The following LIFR variants were observed in gnomAD, a reference collection of about 807,000 sequenced individuals.
LIFR encodes LIF receptor subunit alpha, also known as leukemia inhibitory factor receptor.
A neutral mutation model predicts 122.2 loss-of-function variants in LIFR; 84 were observed. That is an observed-to-expected ratio of 0.69 (90% CI 0.58 to 0.82). LIFR has a LOEUF of 0.82. Among genes scored for constraint, LIFR ranks in the 40% least tolerant of loss-of-function variants. The probability of loss-of-function intolerance (pLI) is 0.00; values close to 1 mark genes in which losing one functional copy is unlikely to be tolerated. For missense variants in LIFR, 1,294 were observed against 1,311.6 expected, an observed-to-expected ratio of 0.99 and a Z score of 0.21; for synonymous variants, 422 against 434.7, an observed-to-expected ratio of 0.97 and a Z score of 0.36.
rs1746734969 is a variant in LIFR, at chr5:38,527,207, T to C, written c.345A>G (p.Leu115=). The C allele has an allele frequency of 2.5e-6, 4 of 1,586,762 alleles. No homozygotes were observed. The African/African-American group carries it at 5.4e-5, about 21-fold the overall frequency. ...HGDYEITINS[L]HDFGSSTSKF... Reference sequence around the variant, plus strand: ...TACTTGTAGAACTTCCAAAATCATGTAGAGAATTTATTGTTATTTCATAAT... The same window carrying C: ...TACTTGTAGAACTTCCAAAATCATGCAGAGAATTTATTGTTATTTCATAAT... The change falls in exon 4 of 20, where the codon CTA becomes CTG. Residue 115 remains leucine, a synonymous_variant. Coordinates refer to ENST00000453190, the MANE Select transcript of LIFR (RefSeq NM_001127671.2).
Position 38,481,485 on chromosome 5 carries a change from C to T in LIFR, c.*110G>A. 1 of 1,190,270 alleles carries T rather than the reference C, an allele frequency of 8.4e-7. No individual in the cohort carries two copies. The highest frequency in any genetic ancestry group is 1.2e-5 in the South Asian group (1 of 81,390). 73.7% of individuals were successfully genotyped at this position (1,190,270 alleles called of 1,614,324 possible). ...GTAACTTAACATGTAGTGAAGTTCA[C>T]CTCCTAACAATACTTCACAGGATCC... On this transcript the variant is annotated 3_prime_UTR_variant, in exon 20 of 20. Coordinates refer to ENST00000453190, the MANE Select transcript of LIFR (RefSeq NM_001127671.2).
intron 10 of LIFR, among the ~76,000 whole-genome samples, chr5:38,503,136 G>GGT (rs1320875664): frequency 6.6e-6 from 1 of 152,082 alleles, no homozygotes; most frequent in Non-Finnish European, 1.5e-5. Context: ...AAGGGCTAAT[G>GGT]GTGATGCAAT....
Position 38,496,468 on chromosome 5 carries a change from T to C in LIFR, c.1799A>G (p.Lys600Arg). The C allele has an allele frequency of 6.2e-7, 1 of 1,614,156 alleles. No homozygotes were observed. Among genetic ancestry groups the C allele is most frequent in the Non-Finnish European group, 8.5e-7 (1 of 1,179,944 alleles). The part of the protein sequence containing the change: ...PQHKAEIRLD[K>R]NDYIISVVAK... ...CACTACGCTGATGATGTAGTCATTC[T>C]TATCAAGTCGTATCTCTGCTTTGTG... Residue 600 changes from lysine to arginine, a missense_variant, in exon 13 of 20, where the codon AAG (lysine) becomes AGG (arginine). Physicochemically the swap from Lys to Arg is conservative, Grantham distance 26 (BLOSUM62 2). Transcript: ENST00000453190.
intron 1 of LIFR, among the ~76,000 whole-genome samples, chr5:38,585,846 T>G (rs1223611398): frequency 6.6e-6 from 1 of 152,156 alleles, no homozygotes. Context: ...GTTCCCTTGC[T>G]AGCTAGGCTA....
At chr5:38,567,508 T>TTATTTATGTATTTATTTATG (rs1289925358) in intron 1 of LIFR, among the ~76,000 whole-genome samples, 6 of 145,454 alleles carry the variant, frequency 4.1e-5, no homozygotes, top group Admixed American at 1.4e-4. Context: ...ATTTATTTAT[T>TTATTTATGTATTTATTTATG]TATTTATTTA....
intron 14 of LIFR, chr5:38,490,566 G>T: frequency 1.6e-5 from 3 of 183,704 alleles, no homozygotes; most frequent in Non-Finnish European, 2.2e-5. Flanking sequence ...CTTACATTTT[G>T]TTCCTTTTTC....
intron 1 of LIFR, among the ~76,000 whole-genome samples, chr5:38,564,795 G>A (rs1290645514): frequency 2.0e-5 from 3 of 146,650 alleles, no homozygotes; most frequent in African/African-American, 7.6e-5. Flanking sequence ...TTTTTTTTGA[G>A]TCAGAGTCTC....
chr5:38,542,217 A>C (rs886746729), intron 1 of LIFR, among the ~76,000 whole-genome samples: 1 of 152,196 alleles, frequency 6.6e-6, no homozygotes, highest in Non-Finnish European at 1.5e-5. Context: ...ATTTCATAGA[A>C]GAAGTACCCA....
chr5:38,476,428 T>C lies in LIFR; in HGVS notation c.*5167A>G, dbSNP rs1743725744. 4.8e-6 allele frequency: 1 copy of C among 209,154 alleles called. No homozygotes were observed. Among genetic ancestry groups the C allele is most frequent in the East Asian group, 7.2e-5 (1 of 13,906 alleles). The allele number at this position is 209,154 out of a possible 1,614,324, so 13.0% of individuals were successfully genotyped here. On this transcript the variant is annotated 3_prime_UTR_variant, in exon 20 of 20. Transcript: ENST00000453190. Reference sequence around the variant, plus strand: ...ATTCTTAACGGAAGTACACTTTAAATGTATAAGGAAATTCAACAACTTAAG... The same window carrying C: ...ATTCTTAACGGAAGTACACTTTAAACGTATAAGGAAATTCAACAACTTAAG...
chr5:38,490,910 C>T (rs1349791967), intron 14 of LIFR: 2 of 152,158 alleles, frequency 1.3e-5, no homozygotes, highest in Non-Finnish European at 1.5e-5. Context: ...TCTACATCAA[C>T]TTCCTGGGTC....
At chr5:38,575,869 GGCTCAAGTCGGTTTA>G (rs1749368571) in intron 1 of LIFR, among the ~76,000 whole-genome samples, 1 of 152,148 alleles carries the variant, frequency 6.6e-6, no homozygotes, top group African/African-American at 2.4e-5. Context: ...AGGTGACCCG[GGCTCAAGTCGGTTTA>G]GCTCAGATAC....
intron 4 of LIFR, among the ~76,000 whole-genome samples, chr5:38,525,561 G>A (rs1243497436): frequency 2.0e-5 from 3 of 152,184 alleles, no homozygotes; most frequent in Admixed American, 1.3e-4. Context: ...TATGTAAAGT[G>A]TTTAGGGCTG....
rs776670613 is a variant in LIFR at position 38,485,850 on chromosome 5, C to T, written c.2466G>A (p.Glu822=). Residue 822 remains glutamate, a synonymous_variant, in exon 17 of 20, where the codon GAG becomes GAA. Transcript: ENST00000453190. ...CCTTTGTCACCACATACATACTCTT[C>T]TCCGGGCCCACTCCACCATCTGTAT... The part of the protein sequence containing the change: ...RAYTDGGVGP[E]KSMYVVTKEN... 1 of 1,614,166 alleles carries T rather than the reference C, an allele frequency of 6.2e-7. No individual in the cohort carries two copies. Among genetic ancestry groups the T allele is most frequent in the South Asian group, 1.1e-5 (1 of 91,084 alleles).
chr5:38,568,308 A>G (rs1749094517), intron 1 of LIFR, among the ~76,000 whole-genome samples: 1 of 152,202 alleles, frequency 6.6e-6, no homozygotes, highest in African/African-American at 2.4e-5. Context: ...CTTCTTGAGA[A>G]GGAATTTTTG....
chr5:38,593,823 C>T (rs1321187698), intron 1 of LIFR, among the ~76,000 whole-genome samples: 3 of 152,132 alleles, frequency 2.0e-5, no homozygotes, highest in East Asian at 3.9e-4. Context: ...GATAAGAAAA[C>T]GGTCCTCTAA....
At chr5:38,567,660 C>T (rs1749071105) in intron 1 of LIFR, among the ~76,000 whole-genome samples, 1 of 151,976 alleles carries the variant, frequency 6.6e-6, no homozygotes, top group South Asian at 2.1e-4. Context: ...TCCCAAATAG[C>T]TGGGACTACA....
chr5:38,570,308 C>T (rs1015538668), intron 1 of LIFR, among the ~76,000 whole-genome samples: 1 of 152,172 alleles, frequency 6.6e-6, no homozygotes, highest in Non-Finnish European at 1.5e-5. Context: ...CTGCCCAAGT[C>T]ACCAGTTCCC....
At chr5:38,492,927 T>C (rs945953987) in intron 14 of LIFR, among the ~76,000 whole-genome samples, 1 of 152,178 alleles carries the variant, frequency 6.6e-6, no homozygotes, top group African/African-American at 2.4e-5. Flanking sequence ...AAGGCTGGAT[T>C]AGCCTGTAGG....
intron 1 of LIFR, among the ~76,000 whole-genome samples, chr5:38,542,406 T>C (rs1321246411): frequency 1.3e-5 from 2 of 152,150 alleles, no homozygotes; most frequent in Non-Finnish European, 2.9e-5. Context: ...CTACCACTTG[T>C]GCCACTCCCT....
Sources: gnomAD v4.1 joint callset for allele counts (sites outside exome capture counted in the v4.1 genomes callset) on GRCh38, gnomAD v4.1.1 for gene constraint, MANE v1.5 for transcripts, NCBI Gene and HGNC (gene_info 2026-07-23, HGNC 2026-07-21) for gene names.